NRG3: variants seen among roughly 807,000 people sequenced by gnomAD.
NRG3 encodes the protein neuregulin 3, also known as pro-neuregulin-3, membrane-bound isoform.
A neutral mutation model predicts 66.9 loss-of-function variants in NRG3; 31 were observed. That is an observed-to-expected ratio of 0.46 (90% CI 0.35 to 0.63). The LOEUF is 0.63. NRG3 is among the 20% of genes least tolerant of loss of function. The pLI is 0.00. For synonymous variants in NRG3, 393 were observed against 359.4 expected (o/e 1.09, Z -1.06); for missense variants, 910 against 878.9 (o/e 1.04, Z -0.45).
chr10:82,494,792 C>A (rs928887931), intron 2 of NRG3, among the ~76,000 whole-genome samples: 1 of 151,958 alleles, frequency 6.6e-6, no homozygotes, highest in Non-Finnish European at 1.5e-5. Flanking sequence ...TGCAGGTCAC[C>A]TCCACCATTT....
chr10:82,436,515 T>C (rs1377661283), intron 2 of NRG3, among the ~76,000 whole-genome samples: 1 of 152,174 alleles, frequency 6.6e-6, no homozygotes, highest in East Asian at 1.9e-4. Flanking sequence ...CTTTTAAGTT[T>C]TGGCATTTAG....
intron 2 of NRG3, among the ~76,000 whole-genome samples, chr10:82,652,111 C>A (rs1476346249): frequency 1.3e-5 from 2 of 152,170 alleles, no homozygotes; most frequent in Admixed American, 1.3e-4. Context: ...TGGGAGGAAG[C>A]ATGCAGGTGA....
chr10:82,136,116 G>C (rs1238854854), intron 1 of NRG3, among the ~76,000 whole-genome samples: 1 of 152,152 alleles, frequency 6.6e-6, no homozygotes, highest in Non-Finnish European at 1.5e-5. Flanking sequence ...GTAGTGCCTT[G>C]GTGGTCTTGG....
chr10:82,183,477 G>C (rs1196096545), intron 1 of NRG3, among the ~76,000 whole-genome samples: 1 of 152,004 alleles, frequency 6.6e-6, no homozygotes, highest in Non-Finnish European at 1.5e-5. Flanking sequence ...TTCTTCAGGT[G>C]CAAACTTTGT....
chr10:82,824,870 C>T (rs564397605), intron 3 of NRG3, among the ~76,000 whole-genome samples: 2 of 152,134 alleles, frequency 1.3e-5, no homozygotes, highest in South Asian at 4.1e-4. Flanking sequence ...GTGTGCACGA[C>T]CATGCCCAGC....
intron 1 of NRG3, among the ~76,000 whole-genome samples, chr10:82,270,322 T>A (rs2078526447): frequency 6.6e-6 from 1 of 152,168 alleles, no homozygotes; most frequent in South Asian, 2.1e-4. Flanking sequence ...GACCTCATAC[T>A]GTTGTCAGGT....
At chr10:82,293,839 T>C (rs776215437) in intron 1 of NRG3, among the ~76,000 whole-genome samples, 15 of 152,188 alleles carry the variant, frequency 9.9e-5, no homozygotes, top group Admixed American at 9.8e-4. Context: ...TGGAAGCATA[T>C]TGAAAAATTA....
chr10:82,653,300 A>C (rs1297314065), intron 2 of NRG3, among the ~76,000 whole-genome samples: 1 of 152,202 alleles, frequency 6.6e-6, no homozygotes, highest in Non-Finnish European at 1.5e-5. Flanking sequence ...TGAAGTGAGT[A>C]GGTGATAAAT....
chr10:82,517,927 G>T (rs1470419923), intron 2 of NRG3, among the ~76,000 whole-genome samples: 5 of 152,038 alleles, frequency 3.3e-5, no homozygotes, highest in Admixed American at 6.6e-5. Context: ...ATTAAACAGG[G>T]ACTTACATCC....
intron 1 of NRG3, among the ~76,000 whole-genome samples, chr10:82,337,440 T>C (rs2135348953): frequency 6.6e-6 from 1 of 152,374 alleles, no homozygotes; most frequent in Non-Finnish European, 1.5e-5. Flanking sequence ...ACTTTTTGGC[T>C]ACTATGTGTA....
At chr10:82,275,687 A>G (rs75565448) in intron 1 of NRG3, among the ~76,000 whole-genome samples, 2 of 152,038 alleles carry the variant, frequency 1.3e-5, no homozygotes, top group East Asian at 1.9e-4. Context: ...TCTTGTCAGT[A>G]TATTTATTTA....
intron 4 of NRG3, among the ~76,000 whole-genome samples, chr10:82,917,819 C>T (rs1233933742): frequency 1.3e-5 from 2 of 151,888 alleles, no homozygotes; most frequent in Non-Finnish European, 2.9e-5. Context: ...CTGAATTTAA[C>T]AGAAACAATT....
At chr10:82,104,759 A>G (rs2066958738) in intron 1 of NRG3, among the ~76,000 whole-genome samples, 1 of 152,220 alleles carries the variant, frequency 6.6e-6, no homozygotes, top group Admixed American at 6.5e-5. Context: ...CTCCATTAAT[A>G]TACCTGTCTG....
chr10:82,129,906 C>T (rs567354979), intron 1 of NRG3, among the ~76,000 whole-genome samples: 4 of 152,088 alleles, frequency 2.6e-5, no homozygotes, highest in African/African-American at 9.6e-5. Context: ...CTGTAATCAC[C>T]CTATTCTGCT....
chr10:82,176,185 G>T (rs569812545), intron 1 of NRG3, among the ~76,000 whole-genome samples: 1 of 152,226 alleles, frequency 6.6e-6, no homozygotes, highest in African/African-American at 2.4e-5. Flanking sequence ...CAGATCTATT[G>T]GCTTTAGAAG....
intron 3 of NRG3, among the ~76,000 whole-genome samples, chr10:82,808,007 A>G (rs527745451): frequency 3.3e-4 from 50 of 152,126 alleles, no homozygotes; most frequent in Middle Eastern, 3.4e-3. Flanking sequence ...TAACTGCAAA[A>G]ATTTTCTCCA....
chr10:82,233,760 A>G (rs1211920099), intron 1 of NRG3, among the ~76,000 whole-genome samples: 2 of 152,090 alleles, frequency 1.3e-5, no homozygotes, highest in South Asian at 2.1e-4. Context: ...ACCAGAAACC[A>G]TTGGCTTCTT....
chr10:82,579,066 T>C (rs994322474), intron 2 of NRG3, among the ~76,000 whole-genome samples: 6 of 151,868 alleles, frequency 4.0e-5, no homozygotes, highest in African/African-American at 1.4e-4. Flanking sequence ...TGTAACTTGG[T>C]TTCCATTCAG....
At chr10:82,728,116 C>T (rs1220366270) in intron 2 of NRG3, among the ~76,000 whole-genome samples, 1 of 152,120 alleles carries the variant, frequency 6.6e-6, no homozygotes, top group Non-Finnish European at 1.5e-5. Flanking sequence ...GCAGAAGGTA[C>T]TTGCCTCGTC....
Sources: allele counts gnomAD v4.1 joint callset (sites outside exome capture counted in the v4.1 genomes callset), GRCh38; gene constraint gnomAD v4.1.1; transcripts MANE v1.5; gene names NCBI Gene and HGNC (gene_info 2026-07-23, HGNC 2026-07-21).